Variants in FOLH1 observed in about 807,000 individuals in gnomAD.
FOLH1 encodes glutamate carboxypeptidase 2.
FOLH1 carries 54 observed loss-of-function variants against 93.9 expected under a neutral mutation model. The ratio of observed to expected loss-of-function variants is 0.57; its 90% CI spans 0.46 to 0.72. The LOEUF (loss-of-function observed/expected upper bound fraction) is 0.72. Ranked by LOEUF, FOLH1 falls within the 30% of genes least tolerant of loss-of-function variation. FOLH1 has a pLI of 0.00. For missense variants in FOLH1, 571 were observed against 892.5 expected, an observed-to-expected ratio of 0.64 and a Z score of 4.59; for synonymous variants, 249 against 303.6, an observed-to-expected ratio of 0.82 and a Z score of 1.87.
intron 17 of FOLH1, among the ~76,000 whole-genome samples, chr11:49,153,073 T>A (rs1023486544): frequency 1.3e-5 from 2 of 152,254 alleles, no homozygotes; most frequent in African/African-American, 4.8e-5. Context: ...TGTCCTTACA[T>A]CAGCTCCTGG....
At chr11:49,196,085 C>T (rs1308397572) in intron 3 of FOLH1, among the ~76,000 whole-genome samples, 4 of 152,148 alleles carry the variant, frequency 2.6e-5, no homozygotes, top group South Asian at 2.1e-4. Context: ...ACCCGGGAGG[C>T]GGAGGTTGCA....
At chr11:49,196,562 AT>A (rs1171661745) in intron 3 of FOLH1, among the ~76,000 whole-genome samples, 2 of 152,310 alleles carry the variant, frequency 1.3e-5, no homozygotes, top group East Asian at 3.9e-4. Context: ...CAATATATGA[AT>A]TTAAAACCCT....
intron 5 of FOLH1, among the ~76,000 whole-genome samples, chr11:49,186,268 T>C (rs1311590760): frequency 1.3e-5 from 2 of 152,236 alleles, no homozygotes; most frequent in Non-Finnish European, 2.9e-5. Flanking sequence ...TGTAAATTGT[T>C]TTCCCTCATT....
intron 3 of FOLH1, among the ~76,000 whole-genome samples, chr11:49,199,407 C>A (rs1863028455): frequency 6.6e-6 from 1 of 152,174 alleles, no homozygotes; most frequent in South Asian, 2.1e-4. Context: ...ATTGCAAATT[C>A]TTTAAATACC....
chr11:49,158,012 T>C lies in FOLH1; in HGVS notation c.1472A>G (p.Lys491Arg), dbSNP rs780347923. ...TTTAGTCCAACTTTCATAAAGAGAT[T>C]TGCCTTCAAAGCCTTCATCAGGGCT... ...LKSPDEGFEG[K>R]SLYESWTKKS... Residue 491 changes from lysine (K) to arginine (R), a missense_variant, in exon 14 of 19, where the codon AAA becomes AGA. Physicochemically the swap from Lys to Arg is conservative, Grantham distance 26. Around this residue, in one of 2 missense-constraint regions of FOLH1, gnomAD observed 500 missense variants for 822.9 expected, o/e 0.61. Transcript: ENST00000256999. The C allele has an allele frequency of 3.1e-6, 5 of 1,598,034 alleles. No individual in the cohort carries two copies. The highest frequency in any genetic ancestry group is 3.4e-6 in the Non-Finnish European group (4 of 1,170,654).
chr11:49,175,853 C>G lies in FOLH1; in HGVS notation c.1019+6G>C. On this transcript the variant is annotated splice_donor_region_variant and intron_variant, in intron 8 of 18. Coordinates refer to ENST00000256999, the MANE Select transcript of FOLH1 (RefSeq NM_004476.3). ...AAAAGAGTTAAAATTAAAATAGTCT[C>G]TTAACTGTGTAGAAAAGTTTCCAGT... is the stretch of plus-strand genomic sequence containing the variant. 1.9e-6 allele frequency: 3 copies of G among 1,611,534 alleles called. No individual in the cohort carries two copies. Among genetic ancestry groups the G allele is most frequent in the Non-Finnish European group, 2.5e-6 (3 of 1,178,604 alleles).
chr11:49,156,246 A>AAT (rs1439037686), intron 15 of FOLH1, among the ~76,000 whole-genome samples: 21 of 152,020 alleles, frequency 1.4e-4, no homozygotes, highest in African/African-American at 2.2e-4. Context: ...AAAACAGACT[A>AAT]ATATATATAT....
chr11:49,208,449 GTGC>G lies in FOLH1; in HGVS notation c.-43_-41del. 6.9e-7 allele frequency: 1 copy of G among 1,441,118 alleles called. No homozygotes were observed. Among genetic ancestry groups the G allele is most frequent in the Non-Finnish European group, 9.6e-7 (1 of 1,045,144 alleles). 89.3% of individuals were successfully genotyped at this position (1,441,118 alleles called of 1,614,324 possible). A position where few individuals can be genotyped will look rare whatever the true frequency, so the allele number is the denominator to read the frequency against. ...AGCCGGCCTCCCGGGACCCGCGCCT[GTGC>G]TGCTGCTCTACTGCGCGCCCTCCAA... is the stretch of plus-strand genomic sequence containing the variant. On this transcript the variant is annotated 5_prime_UTR_variant, in exon 1 of 19. Coordinates refer to ENST00000256999, the MANE Select transcript of FOLH1 (RefSeq NM_004476.3).
rs553459501 is a variant in FOLH1, at chr11:49,148,461, C to T, written c.2063+178G>A. ...CAAAGATACTCAAAATAAAGATATG[C>T]AAAAATCATATTACATTATATGAAG... On this transcript the variant is annotated intron_variant, in intron 18 of 18. Transcript: ENST00000256999. Among the ~76,000 whole-genome samples the T allele has an allele frequency of 1.4e-4, 21 of 151,146 alleles. No individual in the cohort carries two copies. In the South Asian group the frequency reaches 2.9e-3, roughly 21 times the overall value.
At chr11:49,202,868 C>T (rs1287972671) in intron 2 of FOLH1, among the ~76,000 whole-genome samples, 1 of 152,080 alleles carries the variant, frequency 6.6e-6, no homozygotes, top group African/African-American at 2.4e-5. Flanking sequence ...TGCACTCCAG[C>T]CTGGCAACAG....
At chr11:49,204,711 CAT>C (rs756468236) in intron 2 of FOLH1, among the ~76,000 whole-genome samples, 1 of 152,014 alleles carries the variant, frequency 6.6e-6, no homozygotes, top group African/African-American at 2.4e-5. Flanking sequence ...TTAATACAAA[CAT>C]ATATATGTTT....
rs1276519350 is a variant in FOLH1, at chr11:49,146,027, G to C, written c.*729C>G. On this transcript the variant is annotated 3_prime_UTR_variant, in exon 19 of 19. Coordinates refer to ENST00000256999, the MANE Select transcript of FOLH1 (RefSeq NM_004476.3). Reference sequence around the variant, plus strand: ...AATACATAATGCCAAAACATGTAAAGGATACAGCCATGTGTGATAAAATTA... The same window carrying C: ...AATACATAATGCCAAAACATGTAAACGATACAGCCATGTGTGATAAAATTA... 6.6e-6 allele frequency among the ~76,000 whole-genome samples: 1 copy of C among 152,020 alleles called. No individual in the cohort carries two copies. The highest frequency in any genetic ancestry group is 1.9e-4 in the East Asian group (1 of 5,176).
At chr11:49,195,285 G>C (rs1473062276) in intron 3 of FOLH1, among the ~76,000 whole-genome samples, 1 of 151,972 alleles carries the variant, frequency 6.6e-6, no homozygotes, top group Admixed American at 6.5e-5. Flanking sequence ...TTATATTCAG[G>C]ATTTTAAAAA....
chr11:49,181,104 TA>T (rs1860673002), intron 7 of FOLH1, among the ~76,000 whole-genome samples: 2 of 137,278 alleles, frequency 1.5e-5, no homozygotes, highest in Non-Finnish European at 3.1e-5. Flanking sequence ...GTTCATGTTT[TA>T]AATTTTTTTT....
intron 1 of FOLH1, 71 bp from the exon 2 acceptor site, chr11:49,206,243 T>C (rs1863926428): frequency 6.3e-7 from 1 of 1,598,638 alleles, no homozygotes; most frequent in Non-Finnish European, 8.5e-7. Context: ...ATTATTGTTG[T>C]ATGTATTATT....
At chr11:49,189,373 C>G (rs1861773877) in intron 4 of FOLH1, among the ~76,000 whole-genome samples, 1 of 152,106 alleles carries the variant, frequency 6.6e-6, no homozygotes. Context: ...GACAAATATA[C>G]ATAAGATATT....
chr11:49,206,010 C>G, intron 2 of FOLH1, 57 bp downstream of exon 2: 1 of 1,542,182 alleles, frequency 6.5e-7, no homozygotes, highest in Non-Finnish European at 8.8e-7. Context: ...TGGACCAAAA[C>G]AGAATGATAA....
At chr11:49,170,425 G>A (rs1349973681) in intron 11 of FOLH1, among the ~76,000 whole-genome samples, 1 of 152,108 alleles carries the variant, frequency 6.6e-6, no homozygotes, top group Admixed American at 6.5e-5. Flanking sequence ...GGCCAGCCTG[G>A]CCAACACAGC....
chr11:49,146,752 C>T lies in FOLH1; in HGVS notation c.*4G>A. 3.8e-6 allele frequency: 6 copies of T among 1,594,940 alleles called. No homozygotes were observed. Among genetic ancestry groups the T allele is most frequent in the Non-Finnish European group, 5.1e-6 (6 of 1,170,288 alleles). On this transcript the variant is annotated 3_prime_UTR_variant, in exon 19 of 19. Coordinates refer to ENST00000256999, the MANE Select transcript of FOLH1 (RefSeq NM_004476.3). Reference sequence around the variant, plus strand: ...ATTCAATACGGATTCTCTAAAGAATCCTCTTAGGCTACTTCACTCAAAGTC... The same window carrying T: ...ATTCAATACGGATTCTCTAAAGAATTCTCTTAGGCTACTTCACTCAAAGTC...
Sources: gnomAD v4.1 joint callset for allele counts (sites outside exome capture counted in the v4.1 genomes callset) on GRCh38, gnomAD v4.1.1 for gene constraint, gnomAD v4.1.1 regional missense constraint, MANE v1.5 for transcripts, NCBI Gene and HGNC (gene_info 2026-07-23, HGNC 2026-07-21) for gene names.